FGF14: variants seen among roughly 807,000 people sequenced by gnomAD.
FGF14 encodes fibroblast growth factor 14, also known as fibroblast growth factor homologous factor 4.
In FGF14, 5 loss-of-function variants were observed where a neutral mutation model predicts 25.5. That is an observed-to-expected ratio of 0.20 (90% CI 0.10 to 0.41). The LOEUF (loss-of-function observed/expected upper bound fraction) is 0.41, where lower values mean the gene tolerates loss of function less well. Among genes scored for constraint, FGF14 ranks in the 10% least tolerant of loss-of-function variants. The pLI, the probability that FGF14 is intolerant of heterozygous loss-of-function variation, is 1.00. For missense variants in FGF14, 222 were observed against 320.1 expected (o/e 0.69, Z 2.34); for synonymous variants, 138 against 118.3 (o/e 1.17, Z -1.08).
rs1555369389 is a variant in FGF14, at chr13:102,161,570, A to AAAGAAGAAAGAAGAAGAAG, written c.208+239900_208+239901insCTTCTTCTTCTTTCTTCTT. 7.1e-4 allele frequency among the ~76,000 whole-genome samples: 4 copies of AAAGAAGAAAGAAGAAGAAG among 5,652 alleles called. 1 individual carries two copies. Among genetic ancestry groups the AAAGAAGAAAGAAGAAGAAG allele is most frequent in the Non-Finnish European group, 9.6e-4 (4 of 4,184 alleles). 3.7% of individuals were successfully genotyped at this position (5,652 alleles called of 152,430 possible). The stretch of plus-strand genomic sequence containing the variant: ...TCTATGCAACCAACTTTCTGTGAAG[A>AAAGAAGAAAGAAGAAGAAG]AAGAAAGAAGAAGAAGAAGAAGAAG... On this transcript the variant is annotated intron_variant, in intron 1 of 4. Coordinates refer to the FGF14 transcript ENST00000376131.
intron 1 of FGF14, among the ~76,000 whole-genome samples, chr13:102,000,574 A>G (rs1225586670): frequency 6.6e-6 from 1 of 152,212 alleles, no homozygotes; most frequent in East Asian, 1.9e-4. Context: ...TGTTACTATA[A>G]AAGAAAAAAA....
At chr13:102,136,386 G>A (rs948552432) in intron 1 of FGF14, among the ~76,000 whole-genome samples, 3 of 152,092 alleles carry the variant, frequency 2.0e-5, no homozygotes, top group African/African-American at 7.2e-5. Flanking sequence ...AAGATCACAC[G>A]TTAAGTGGCA....
intron 1 of FGF14, among the ~76,000 whole-genome samples, chr13:101,887,285 G>A (rs2046038045): frequency 6.6e-6 from 1 of 150,522 alleles, no homozygotes; most frequent in African/African-American, 2.4e-5. Context: ...ATGGATGAAT[G>A]GACAAAGAAA....
chr13:101,921,607 G>C (rs2034012089), upstream of FGF14, among the ~76,000 whole-genome samples: 1 of 152,030 alleles, frequency 6.6e-6, no homozygotes. Context: ...TCATCTTTTG[G>C]GTGATTATAC....
intron 1 of FGF14, among the ~76,000 whole-genome samples, chr13:101,898,375 C>T (rs2031034353): frequency 6.6e-6 from 1 of 151,366 alleles, no homozygotes; most frequent in Non-Finnish European, 1.5e-5. Flanking sequence ...CACACACACA[C>T]ATATCCCCAG....
chr13:102,278,805 T>A (rs1365918327), intron 1 of FGF14, among the ~76,000 whole-genome samples: 1 of 152,058 alleles, frequency 6.6e-6, no homozygotes. Flanking sequence ...TCAAATTCCA[T>A]CAGATACAGA....
At chr13:101,917,567 C>T (rs987307124), upstream of FGF14, among the ~76,000 whole-genome samples, 13 of 151,948 alleles carry the variant, frequency 8.6e-5, no homozygotes, top group African/African-American at 2.4e-4. Flanking sequence ...CTCTCAGCAG[C>T]GGTTGGAGGG....
intron 3 of FGF14, among the ~76,000 whole-genome samples, chr13:101,824,983 T>G (rs182248569): frequency 2.6e-5 from 4 of 152,306 alleles, no homozygotes; most frequent in African/African-American, 9.6e-5. Flanking sequence ...GAACCTCACC[T>G]TATGTATCTC....
chr13:102,373,011 G>T (rs2057933601), intron 1 of FGF14, among the ~76,000 whole-genome samples: 1 of 152,108 alleles, frequency 6.6e-6, no homozygotes, highest in Admixed American at 6.6e-5. Flanking sequence ...CAGCTCTTAA[G>T]ACCTTAGAAC....
chr13:102,206,706 T>C (rs1450954903), intron 1 of FGF14, among the ~76,000 whole-genome samples: 1 of 151,816 alleles, frequency 6.6e-6, no homozygotes, highest in Non-Finnish European at 1.5e-5. Context: ...TATTATCAAA[T>C]TGAAGTGTTT....
chr13:102,146,924 A>G (rs2046878242), intron 1 of FGF14, among the ~76,000 whole-genome samples: 1 of 152,166 alleles, frequency 6.6e-6, no homozygotes, highest in African/African-American at 2.4e-5. Flanking sequence ...GTGCTGATAG[A>G]AACTTAGTGA....
At chr13:102,146,393 G>A (rs2046856755) in intron 1 of FGF14, among the ~76,000 whole-genome samples, 7 of 152,118 alleles carry the variant, frequency 4.6e-5, no homozygotes. Context: ...TAGCTCATGG[G>A]TTTACAGAAA....
chr13:101,904,081 G>C (rs971843133), intron 1 of FGF14, among the ~76,000 whole-genome samples: 1 of 152,146 alleles, frequency 6.6e-6, no homozygotes, highest in African/African-American at 2.4e-5. Context: ...TGCAAAAGAA[G>C]AACTGAAAGC....
chr13:102,241,655 T>A (rs955788378), intron 1 of FGF14, among the ~76,000 whole-genome samples: 2 of 152,156 alleles, frequency 1.3e-5, no homozygotes, highest in African/African-American at 4.8e-5. Flanking sequence ...AGTTTATTTT[T>A]TTCCATTATT....
Position 101,868,716 on chromosome 13 carries a change from C to A in FGF14, c.408+9G>T, listed in dbSNP as rs373547111. The A allele has an allele frequency of 9.5e-5, 146 of 1,537,296 alleles. No homozygotes were observed. Among genetic ancestry groups the A allele is most frequent in the Non-Finnish European group, 1.3e-4 (141 of 1,110,304 alleles). ...AACGAATGGCCGAGATCTTTGGCGTCTTACTTACTGATGGGTAGAGGTAAC... is the reference window on the plus strand; with the variant it reads ...AACGAATGGCCGAGATCTTTGGCGTATTACTTACTGATGGGTAGAGGTAAC... On this transcript the variant is annotated intron_variant, in intron 3 of 4. Coordinates refer to ENST00000376143, the MANE Select transcript of FGF14 (RefSeq NM_004115.4).
intron 1 of FGF14, among the ~76,000 whole-genome samples, chr13:102,174,798 A>T (rs2140704570): frequency 6.6e-6 from 1 of 152,172 alleles, no homozygotes; most frequent in Admixed American, 6.6e-5. Flanking sequence ...GGAGTGGATT[A>T]AAAAACTACC....
At chr13:102,094,940 C>T (rs1225249045) in intron 1 of FGF14, among the ~76,000 whole-genome samples, 2 of 152,042 alleles carry the variant, frequency 1.3e-5, no homozygotes, top group African/African-American at 2.4e-5. Context: ...TCAGGGGGTC[C>T]TAAGGATTTT....
intron 1 of FGF14, among the ~76,000 whole-genome samples, chr13:101,961,202 G>T (rs527256620): frequency 1.3e-5 from 2 of 152,130 alleles, no homozygotes; most frequent in South Asian, 4.1e-4. Context: ...TAGATCCCAT[G>T]TGTCAATTTT....
chr13:102,202,980 G>A (rs2049734470), intron 1 of FGF14, among the ~76,000 whole-genome samples: 1 of 152,096 alleles, frequency 6.6e-6, no homozygotes, highest in African/African-American at 2.4e-5. Context: ...CAGTCTTAAT[G>A]TAGATAACTA....
Sources: gnomAD v4.1 joint callset for allele counts (sites outside exome capture counted in the v4.1 genomes callset) on GRCh38, gnomAD v4.1.1 for gene constraint, MANE v1.5 for transcripts, NCBI Gene and HGNC (gene_info 2026-07-23, HGNC 2026-07-21) for gene names.